TFDP1: variants seen among roughly 807,000 people sequenced by gnomAD.
The protein encoded by TFDP1 is DRTF1-polypeptide 1.
In TFDP1, 6 loss-of-function variants were observed where a neutral mutation model predicts 48.0. The ratio of observed to expected loss-of-function variants is 0.13; its 90% CI spans 0.07 to 0.25. The LOEUF (loss-of-function observed/expected upper bound fraction) is 0.25, where lower values mean the gene tolerates loss of function less well. Ranked by LOEUF, TFDP1 falls within the 10% of genes least tolerant of loss-of-function variation. The pLI is 1.00. For missense variants in TFDP1, 335 were observed against 543.0 expected (o/e 0.62, Z 3.81); for synonymous variants, 201 against 211.6 (o/e 0.95, Z 0.44).
At chr13:113,587,687 A>G (rs2048039423) in intron 2 of TFDP1, among the ~76,000 whole-genome samples, 2 of 151,898 alleles carry the variant, frequency 1.3e-5, no homozygotes, top group Non-Finnish European at 2.9e-5. Flanking sequence ...GGGTTTCACC[A>G]TGTTGCCCAG....
chr13:113,623,212 A>C lies in TFDP1; in HGVS notation c.112A>C (p.Thr38Pro), dbSNP rs773577698. The change falls in exon 4 of 12, where the codon ACC becomes CCC. Residue 38 changes from threonine to proline, a missense_variant. By Grantham distance (38) the Thr-to-Pro change is conservative. Transcript: ENST00000375370. The surrounding 1 kb of genome is among the most constrained non-coding windows in gnomAD (Gnocchi z 5.2). ...VVSLVAVHPS[T>P]VNPLGKQLLP... ...GTCCCTCGTGGCCGTTCACCCCTCC[A>C]CCGTCAACCCGCTCGGGAAGCAGCT... 7 of 1,613,302 alleles carry C rather than the reference A, an allele frequency of 4.3e-6. No homozygotes were observed. The Admixed American group carries it at 1.2e-4, about 27-fold the overall frequency.
At chr13:113,593,195 T>G (rs1390322642) in intron 2 of TFDP1, among the ~76,000 whole-genome samples, 1 of 132,792 alleles carries the variant, frequency 7.5e-6, no homozygotes, top group Admixed American at 8.0e-5. Context: ...AGGTGTGCTG[T>G]GTGCTGATCC....
rs537978338 is a variant in TFDP1, at chr13:113,627,827, C to T, written c.187-3796C>T. 6.6e-6 allele frequency among the ~76,000 whole-genome samples: 1 copy of T among 152,242 alleles called. No individual in the cohort carries two copies. Among genetic ancestry groups the T allele is most frequent in the South Asian group, 2.1e-4 (1 of 4,820 alleles). On this transcript the variant is annotated intron_variant, in intron 4 of 11. Transcript: ENST00000375370. The surrounding 1 kb of genome is among the most constrained non-coding windows in gnomAD (Gnocchi z 4.1). ...GACAGTTTCTTCCCGAAACTACCCCCGACTCCGGTCTGTGGAAAAACTGTC... is the reference window on the plus strand; with the variant it reads ...GACAGTTTCTTCCCGAAACTACCCCTGACTCCGGTCTGTGGAAAAACTGTC...
chr13:113,634,095 G>A (rs565588511), intron 7 of TFDP1, 62 bp downstream of exon 7: 23 of 1,610,904 alleles, frequency 1.4e-5, no homozygotes, highest in Admixed American at 1.3e-4. Context: ...TGTTTTAGTC[G>A]TCGGTCACTC....
Position 113,633,067 on chromosome 13 carries a change from G to A in TFDP1, c.309-53G>A. On this transcript the variant is annotated intron_variant, in intron 5 of 11. Coordinates refer to ENST00000375370, the MANE Select transcript of TFDP1 (RefSeq NM_007111.5). This position sits in a 1 kb window ranked among gnomAD's most constrained non-coding sequence, Gnocchi z 4.5. ...CAGGTAAAAGCATTCCTCGATTCAG[G>A]CTGATCCTCAGGAGGGCTGACAGTC... 2 of 1,609,182 alleles carry A rather than the reference G, an allele frequency of 1.2e-6. No homozygotes were observed. The highest frequency in any genetic ancestry group is 1.7e-6 in the Non-Finnish European group (2 of 1,177,630).
chr13:113,625,343 C>T (rs1464128789), intron 4 of TFDP1, among the ~76,000 whole-genome samples: 16 of 121,964 alleles, frequency 1.3e-4, no homozygotes, highest in East Asian at 2.7e-4. Context: ...CTCACGTGTC[C>T]TCAGGCGTCT....
Position 113,611,075 on chromosome 13 carries a change from G to A in TFDP1, c.79+13G>A. The A allele has an allele frequency of 3.1e-6, 5 of 1,611,358 alleles. No homozygotes were observed. Among genetic ancestry groups the A allele is most frequent in the Non-Finnish European group, 4.2e-6 (5 of 1,177,466 alleles). ...AGTCCCGGGAAAGGTAAGGGCACCT[G>A]TTCTGGACACACTCTTGTGTTGATG... On this transcript the variant is annotated intron_variant, in intron 3 of 11. Coordinates refer to ENST00000375370, the MANE Select transcript of TFDP1 (RefSeq NM_007111.5).
At chr13:113,587,760 G>A (rs540712524) in intron 2 of TFDP1, among the ~76,000 whole-genome samples, 2 of 151,656 alleles carry the variant, frequency 1.3e-5, no homozygotes, top group African/African-American at 4.8e-5. Context: ...CACCGCGCCC[G>A]GCCTAGCTAA....
intron 2 of TFDP1, among the ~76,000 whole-genome samples, chr13:113,592,717 C>T (rs1166413168): frequency 2.0e-5 from 3 of 152,264 alleles, no homozygotes; most frequent in Non-Finnish European, 4.4e-5. Context: ...GCCAACACAT[C>T]CCTGGCCCTC....
intron 2 of TFDP1, among the ~76,000 whole-genome samples, chr13:113,589,400 C>T (rs2048084944): frequency 6.6e-6 from 1 of 152,112 alleles, no homozygotes; most frequent in Non-Finnish European, 1.5e-5. Context: ...ATGGGCTGCT[C>T]CTGGCAATAT....
In TFDP1 at chr13:113,634,561, A is replaced by G. The variant is rs1566676207; in HGVS notation, c.646A>G (p.Ile216Val). 1 of 1,613,764 alleles carries G rather than the reference A, an allele frequency of 6.2e-7. No homozygotes were observed. Among genetic ancestry groups the G allele is most frequent in the East Asian group, 2.2e-5 (1 of 44,872 alleles). Reference sequence around the variant, plus strand: ...GGAAAGACAGAGGAGACTTGAAAGAATAAAACAGAAACAGTCTCAACTTCA... The same window carrying G: ...GGAAAGACAGAGGAGACTTGAAAGAGTAAAACAGAAACAGTCTCAACTTCA... ...EVERQRRLER[I>V]KQKQSQLQEL... Residue 216 changes from isoleucine to valine, a missense_variant, in exon 8 of 12, where the codon ATA becomes GTA. Physicochemically the swap from Ile to Val is conservative, Grantham distance 29 (BLOSUM62 3). Around this residue, in one of 3 missense-constraint regions of TFDP1, gnomAD observed 204 missense variants for 287.1 expected, o/e 0.71. Coordinates refer to ENST00000375370, the MANE Select transcript of TFDP1 (RefSeq NM_007111.5).
rs145073994 is a variant in TFDP1, at chr13:113,598,099, A to G, written c.12+12250A>G. 8.1e-3 allele frequency among the ~76,000 whole-genome samples: 1,234 copies of G among 152,220 alleles called. 16 individuals carry two copies. Among genetic ancestry groups the G allele is most frequent in the African/African-American group, 0.028 (1,167 of 41,542 alleles). On this transcript the variant is annotated intron_variant, in intron 2 of 11. Transcript: ENST00000375370. This position sits in a 1 kb window ranked among gnomAD's most constrained non-coding sequence, Gnocchi z 4.2. ...GTTGTCATCAAGAGTGCAGAATCCA[A>G]CTGTGTTGGGAGCCACTTGCTGGTG...
chr13:113,620,162 G>A (rs904526011), intron 3 of TFDP1, among the ~76,000 whole-genome samples: 1 of 152,222 alleles, frequency 6.6e-6, no homozygotes, highest in Non-Finnish European at 1.5e-5. Flanking sequence ...CCGGCCTGTG[G>A]GTGGAGCAGA....
At chr13:113,609,910 C>T (rs1297791751) in intron 2 of TFDP1, among the ~76,000 whole-genome samples, 2 of 152,238 alleles carry the variant, frequency 1.3e-5, no homozygotes, top group Admixed American at 1.3e-4. Context: ...GCCAGCACGC[C>T]ACTCCCAGAG....
intron 8 of TFDP1, 25 bp from the exon 9 acceptor site, chr13:113,635,952 A>T: frequency 6.2e-7 from 1 of 1,609,186 alleles, no homozygotes; most frequent in East Asian, 2.2e-5. Context: ...GCCACGGGCC[A>T]CCTGGCTCCT....
intron 2 of TFDP1, among the ~76,000 whole-genome samples, chr13:113,588,401 G>A (rs2048056515): frequency 1.3e-5 from 2 of 152,102 alleles, no homozygotes; most frequent in Non-Finnish European, 2.9e-5. Context: ...GTTCTGGAGA[G>A]AACACAAGAG....
rs565649366 is a variant in TFDP1, at chr13:113,633,680, C to T, written c.475-210C>T. On this transcript the variant is annotated intron_variant, in intron 6 of 11. Coordinates refer to ENST00000375370, the MANE Select transcript of TFDP1 (RefSeq NM_007111.5). The surrounding 1 kb of genome is among the most constrained non-coding windows in gnomAD (Gnocchi z 4.5). Reference sequence around the variant, plus strand: ...ACCAGCTGGGCTCGACACCCGAGAGCCCCCGGCTCTCCTTCTGGAACACAC... The same window carrying T: ...ACCAGCTGGGCTCGACACCCGAGAGTCCCCGGCTCTCCTTCTGGAACACAC... Among the ~76,000 whole-genome samples, 9 of 152,226 alleles carry T rather than the reference C, an allele frequency of 5.9e-5. No individual in the cohort carries two copies. The South Asian group carries it at 1.2e-3, about 21-fold the overall frequency.
chr13:113,635,957 G>A lies in TFDP1; in HGVS notation c.688-20G>A. 6.2e-7 allele frequency: 1 copy of A among 1,610,786 alleles called. No homozygotes were observed. The highest frequency in any genetic ancestry group is 8.5e-7 in the Non-Finnish European group (1 of 1,178,156). ...TTCTTGTGCCGCCACGGGCCACCTG[G>A]CTCCTCTTATTTTTTTTAGCAAATT... On this transcript the variant is annotated intron_variant, in intron 8 of 11. Coordinates refer to ENST00000375370, the MANE Select transcript of TFDP1 (RefSeq NM_007111.5).
intron 2 of TFDP1, among the ~76,000 whole-genome samples, chr13:113,606,324 C>G (rs1189126893): frequency 6.6e-6 from 1 of 152,160 alleles, no homozygotes; most frequent in African/African-American, 2.4e-5. Context: ...AGCTTGTAAA[C>G]AACAGGAATC....
Sources: allele counts gnomAD v4.1 joint callset (sites outside exome capture counted in the v4.1 genomes callset), GRCh38; gene constraint gnomAD v4.1.1; regional missense constraint gnomAD v4.1.1; non-coding constraint Gnocchi (gnomAD v3.1); transcripts MANE v1.5; gene names NCBI Gene and HGNC (gene_info 2026-07-23, HGNC 2026-07-21).